Variants in MYPN observed in about 807,000 individuals in gnomAD.
MYPN encodes myopalladin, also known as sarcomeric protein myopalladin, 145 kDa (MYOP).
MYPN carries 63 observed loss-of-function variants against 129.4 expected under a neutral mutation model. The ratio of observed to expected loss-of-function variants is 0.49; its 90% CI spans 0.40 to 0.60. MYPN has a LOEUF of 0.60. Ranked by LOEUF, MYPN falls within the 20% of genes least tolerant of loss-of-function variation. The probability of loss-of-function intolerance (pLI) is 0.00; values close to 1 mark genes in which losing one functional copy is unlikely to be tolerated. For synonymous variants in MYPN, 629 were observed against 600.9 expected (o/e 1.05, Z -0.68); for missense variants, 1,596 against 1,635.4 (o/e 0.98, Z 0.42).
Position 68,118,287 on chromosome 10 carries a change from C to T in MYPN, c.-1-3151C>T, listed in dbSNP as rs562494961. 3.9e-5 allele frequency among the ~76,000 whole-genome samples: 6 copies of T among 152,272 alleles called. No homozygotes were observed. The South Asian group carries it at 1.2e-3, about 32-fold the overall frequency. On this transcript the variant is annotated intron_variant, in intron 1 of 19. Coordinates refer to ENST00000358913, the MANE Select transcript of MYPN (RefSeq NM_032578.4). Reference sequence around the variant, plus strand: ...ATCAGTTGAATACCCATTATAGTGGCAAGCCCTATTTTAAGGACTTTGCCT... The same window carrying T: ...ATCAGTTGAATACCCATTATAGTGGTAAGCCCTATTTTAAGGACTTTGCCT...
intron 16 of MYPN, among the ~76,000 whole-genome samples, chr10:68,198,032 A>G (rs2043640832): frequency 6.6e-6 from 1 of 152,176 alleles, no homozygotes; most frequent in Admixed American, 6.5e-5. Flanking sequence ...TATTTCTGAA[A>G]TTTTTCATTT....
Position 68,174,672 on chromosome 10 carries a change from G to A in MYPN, c.2564+16G>A. On this transcript the variant is annotated intron_variant, in intron 11 of 19. Transcript: ENST00000358913. Reference sequence around the variant, plus strand: ...CACCATCCATGTAAGTGTCATTGAGGTTTCTTGATGTAAGATGCTAGTTAA... The same window carrying A: ...CACCATCCATGTAAGTGTCATTGAGATTTCTTGATGTAAGATGCTAGTTAA... 6.2e-7 allele frequency: 1 copy of A among 1,609,112 alleles called. No individual in the cohort carries two copies. The highest frequency in any genetic ancestry group is 8.5e-7 in the Non-Finnish European group (1 of 1,175,586).
chr10:68,105,069 C>T (rs2042001955), upstream of MYPN, among the ~76,000 whole-genome samples: 1 of 152,178 alleles, frequency 6.6e-6, no homozygotes, highest in Non-Finnish European at 1.5e-5. Context: ...AGGCATGAGC[C>T]ACCATGCCCG....
At position 68,187,781 on chromosome 10, in the gene MYPN, G is replaced by A. The variant is rs182445421; in HGVS notation, c.2704-1124G>A. ...CAGAGGAGCACAGGAGACTGGTGCA[G>A]TGAGAGAAAGAGAAGGAAAGACCAG... On this transcript the variant is annotated intron_variant, in intron 12 of 19. Transcript: ENST00000358913. 2.4e-3 allele frequency among the ~76,000 whole-genome samples: 364 copies of A among 152,312 alleles called. 2 individuals carry two copies. The highest frequency in any genetic ancestry group is 8.1e-3 in the African/African-American group (335 of 41,574).
At chr10:68,136,660 G>A in intron 2 of MYPN, 1 of 1,534,658 alleles carries the variant, frequency 6.5e-7, no homozygotes, top group Non-Finnish European at 8.7e-7. Flanking sequence ...CAGAGAGTTT[G>A]GGCATTTGAA....
At chr10:68,194,985 C>T (rs1339239697) in intron 14 of MYPN, among the ~76,000 whole-genome samples, 1 of 152,166 alleles carries the variant, frequency 6.6e-6, no homozygotes, top group Non-Finnish European at 1.5e-5. Flanking sequence ...ATCCACTTTC[C>T]TTTTCTGAAT....
chr10:68,168,991 TAAAAAAA>T (rs71009012), intron 10 of MYPN, among the ~76,000 whole-genome samples: 4 of 80,328 alleles, frequency 5.0e-5, no homozygotes, highest in Admixed American at 1.4e-4. Flanking sequence ...GATTATTTCT[TAAAAAAA>T]AAAAAAAAAA....
At chr10:68,162,775 C>T (rs1044233367) in intron 8 of MYPN, among the ~76,000 whole-genome samples, 1 of 152,084 alleles carries the variant, frequency 6.6e-6, no homozygotes, top group African/African-American at 2.4e-5. Context: ...GGCCAACATA[C>T]ATACAACCCC....
intron 3 of MYPN, among the ~76,000 whole-genome samples, chr10:68,144,273 C>G (rs1182257533): frequency 1.3e-5 from 2 of 152,154 alleles, no homozygotes; most frequent in African/African-American, 4.8e-5. Context: ...GTCTGCAGAT[C>G]ATTCTTTAGC....
rs1195768708 is a variant in MYPN at position 68,142,998 on chromosome 10, G to A, written c.961G>A (p.Gly321Arg). The change falls in exon 3 of 20, where the codon GGA (glycine) becomes AGA (arginine). Residue 321 changes from glycine to arginine, a missense_variant. Transcript: ENST00000358913. ...NSPDIHIVQA[G>R]NLHSLTIAEA... ...CCCAGATATTCACATCGTCCAGGCA[G>A]GAAATCTGCACTCACTGACCATTGC... 3 of 1,614,030 alleles carry A rather than the reference G, an allele frequency of 1.9e-6. No individual in the cohort carries two copies. The highest frequency in any genetic ancestry group is 1.7e-6 in the Non-Finnish European group (2 of 1,180,020).
At chr10:68,149,070 A>G (rs1035923169) in intron 5 of MYPN, among the ~76,000 whole-genome samples, 1 of 151,630 alleles carries the variant, frequency 6.6e-6, no homozygotes, top group Non-Finnish European at 1.5e-5. Flanking sequence ...TACAAAAAAG[A>G]AAAAAAAATT....
chr10:68,141,563 G>C (rs1589548761), intron 2 of MYPN, among the ~76,000 whole-genome samples: 1 of 152,050 alleles, frequency 6.6e-6, no homozygotes, highest in African/African-American at 2.4e-5. Context: ...TTCAAAAAAT[G>C]AAAAAATGTA....
chr10:68,142,175 G>A (rs868784554), intron 2 of MYPN, among the ~76,000 whole-genome samples: 7 of 152,188 alleles, frequency 4.6e-5, no homozygotes, highest in South Asian at 2.1e-4. Context: ...GTAGCAATGC[G>A]TAAGAGTGGT....
At chr10:68,174,040 T>C in intron 10 of MYPN, 26 bp from the exon 11 acceptor site, 1 of 1,540,746 alleles carries the variant, frequency 6.5e-7, no homozygotes, top group Non-Finnish European at 9.0e-7. Context: ...TTTCCTTCTC[T>C]CTCTCCACCC....
chr10:68,210,558 A>C lies in MYPN; in HGVS notation c.*103A>C. The C allele has an allele frequency of 5.2e-6, 7 of 1,335,952 alleles. No individual in the cohort carries two copies. The highest frequency in any genetic ancestry group is 6.4e-6 in the Non-Finnish European group (6 of 939,446). The allele number at this position is 1,335,952 out of a possible 1,614,324, so 82.8% of individuals were successfully genotyped here. On this transcript the variant is annotated 3_prime_UTR_variant, in exon 20 of 20. Coordinates refer to ENST00000358913, the MANE Select transcript of MYPN (RefSeq NM_032578.4). ...AGCAACCGAAGTTGAGTAAGTTCCC[A>C]CACTGCTGGACCTGTGGCAAAGAGT...
intron 2 of MYPN, among the ~76,000 whole-genome samples, chr10:68,138,099 T>C (rs1453956228): frequency 1.4e-5 from 2 of 143,622 alleles, no homozygotes; most frequent in South Asian, 2.2e-4. Context: ...TTTTTCTTTT[T>C]CTTTTTTCTT....
chr10:68,152,715 A>C (rs1272363759), intron 6 of MYPN, among the ~76,000 whole-genome samples: 1 of 152,120 alleles, frequency 6.6e-6, no homozygotes, highest in Non-Finnish European at 1.5e-5. Flanking sequence ...AGCTCACTGC[A>C]ACCTTGGCCC....
At chr10:68,186,996 T>C (rs2134249912) in intron 12 of MYPN, among the ~76,000 whole-genome samples, 1 of 152,258 alleles carries the variant, frequency 6.6e-6, no homozygotes, top group Non-Finnish European at 1.5e-5. Context: ...GTTTACTTAG[T>C]GCTGTCAAAG....
intron 15 of MYPN, 113 bp from the exon 16 acceptor site, chr10:68,197,239 C>T (rs2043622778): frequency 8.7e-7 from 1 of 1,154,274 alleles, no homozygotes. Context: ...CCCTTTCCCC[C>T]TTCAAAAAAA....
Sources: allele counts gnomAD v4.1 joint callset (sites outside exome capture counted in the v4.1 genomes callset), GRCh38; gene constraint gnomAD v4.1.1; transcripts MANE v1.5; gene names NCBI Gene and HGNC (gene_info 2026-07-23, HGNC 2026-07-21).